The following BCR variants were observed in gnomAD, a reference collection of about 807,000 sequenced individuals.
The protein encoded by BCR is breakpoint cluster region protein.
Under a neutral mutation model 138.6 loss-of-function variants are expected in BCR, and 58 were observed. That is an observed-to-expected ratio of 0.42 (90% CI 0.34 to 0.52). The LOEUF (loss-of-function observed/expected upper bound fraction) is 0.52, where lower values mean the gene tolerates loss of function less well. Ranked by LOEUF, BCR falls within the 20% of genes least tolerant of loss-of-function variation. The probability of loss-of-function intolerance (pLI) is 0.06; values close to 1 mark genes in which losing one functional copy is unlikely to be tolerated. For synonymous variants in BCR, 786 were observed against 730.1 expected (o/e 1.08, Z -1.23); for missense variants, 1,599 against 1,727.2 (o/e 0.93, Z 1.32).
At chr22:23,241,758 C>T (rs571875922) in intron 1 of BCR, among the ~76,000 whole-genome samples, 14 of 152,296 alleles carry the variant, frequency 9.2e-5, no homozygotes, top group African/African-American at 3.4e-4. Flanking sequence ...GAGTGACCAT[C>T]GCAGAAGCCC....
chr22:23,220,950 T>C (rs755014090), intron 1 of BCR, among the ~76,000 whole-genome samples: 1 of 152,164 alleles, frequency 6.6e-6, no homozygotes, highest in Non-Finnish European at 1.5e-5. Context: ...CGTCGTTGCC[T>C]CTTGGTATCT....
chr22:23,315,831 C>G lies in BCR; in HGVS notation c.*309C>G, dbSNP rs1371295694. On this transcript the variant is annotated 3_prime_UTR_variant, in exon 23 of 23. Coordinates refer to ENST00000305877, the MANE Select transcript of BCR (RefSeq NM_004327.4). Reference sequence around the variant, plus strand: ...GGGTGAAGGGAGTGGTTTTTATGAACTTAACTTAGAGTCTAAAAGATTTCT... The same window carrying G: ...GGGTGAAGGGAGTGGTTTTTATGAAGTTAACTTAGAGTCTAAAAGATTTCT... 6.5e-6 allele frequency: 3 copies of G among 462,660 alleles called. No individual in the cohort carries two copies. Among genetic ancestry groups the G allele is most frequent in the African/African-American group, 2.0e-5 (1 of 50,856 alleles). The allele number at this position is 462,660 out of a possible 1,614,324, so 28.7% of individuals were successfully genotyped here.
intron 1 of BCR, among the ~76,000 whole-genome samples, chr22:23,241,983 C>T (rs2073098436): frequency 6.6e-6 from 1 of 152,198 alleles, no homozygotes; most frequent in African/African-American, 2.4e-5. Context: ...AGCTGTACCC[C>T]CTTTCCCAGA....
Position 23,317,357 on chromosome 22 carries a change from C to T in BCR, c.*1835C>T, listed in dbSNP as rs1025838136. 2 of 186,380 alleles carry T rather than the reference C, an allele frequency of 1.1e-5. No homozygotes were observed. Among genetic ancestry groups the T allele is most frequent in the Admixed American group, 6.9e-5 (1 of 14,458 alleles). The allele number at this position is 186,380 out of a possible 1,614,324, so 11.5% of individuals were successfully genotyped here. ...ACCGTCGTGGGTGGCGAGGACAGAA[C>T]AGGAGCCTCTGCTCTCTGTACCTAT... On this transcript the variant is annotated 3_prime_UTR_variant, in exon 23 of 23. Coordinates refer to ENST00000305877, the MANE Select transcript of BCR (RefSeq NM_004327.4).
At chr22:23,191,564 C>G (rs1013518031) in intron 1 of BCR, among the ~76,000 whole-genome samples, 1 of 152,174 alleles carries the variant, frequency 6.6e-6, no homozygotes, top group South Asian at 2.1e-4. Flanking sequence ...TATCTGGCTT[C>G]CTTTTTAGGG....
chr22:23,214,277 C>T (rs774380577), intron 1 of BCR, among the ~76,000 whole-genome samples: 3 of 151,852 alleles, frequency 2.0e-5, no homozygotes, highest in Non-Finnish European at 4.4e-5. Context: ...TGGAAAGGCC[C>T]GGAGTGTTCA....
chr22:23,263,812 C>T lies in BCR; in HGVS notation c.1752+2272C>T, dbSNP rs1416931972. ...ACGGCCAAGGTGTGGCCTTTGGCCTCAGGCCAGCTGGGGTAGTGTTTATAC... is the reference window on the plus strand; with the variant it reads ...ACGGCCAAGGTGTGGCCTTTGGCCTTAGGCCAGCTGGGGTAGTGTTTATAC... On this transcript the variant is annotated intron_variant, in intron 4 of 22. Transcript: ENST00000305877. 5.6e-6 allele frequency: 7 copies of T among 1,251,810 alleles called. No homozygotes were observed. In the Admixed American group the frequency reaches 1.2e-4, roughly 21 times the overall value. 77.5% of individuals were successfully genotyped at this position (1,251,810 alleles called of 1,614,324 possible).
rs150846484 is a variant in BCR, at chr22:23,294,651, G to A, written c.2881-373G>A. 3.3e-3 allele frequency among the ~76,000 whole-genome samples: 503 copies of A among 152,290 alleles called. 4 individuals carry two copies. The highest frequency in any genetic ancestry group is 0.011 in the African/African-American group (472 of 41,552). ...TGGTCTCAAGTGATCTGCCCACCTT[G>A]GCCTCCCAAAGTACTGGGATTACAG... is the stretch of plus-strand genomic sequence containing the variant. On this transcript the variant is annotated intron_variant, in intron 15 of 22. Transcript: ENST00000305877.
intron 1 of BCR, among the ~76,000 whole-genome samples, chr22:23,209,309 G>A (rs1274018224): frequency 1.3e-5 from 2 of 151,870 alleles, no homozygotes; most frequent in Non-Finnish European, 2.9e-5. Flanking sequence ...GCAGTGAGCC[G>A]AGATCACGCC....
intron 13 of BCR, 26 bp downstream of exon 13, chr22:23,289,647 G>T: frequency 6.3e-7 from 1 of 1,590,882 alleles, no homozygotes; most frequent in East Asian, 2.2e-5. Flanking sequence ...TCCGTGTACA[G>T]GGCACCTGCA....
In BCR at chr22:23,259,200, G is replaced by A. The variant is rs377527453; in HGVS notation, c.1462-1750G>A. Among the ~76,000 whole-genome samples the A allele has an allele frequency of 1.2e-4, 19 of 152,348 alleles. No individual in the cohort carries two copies. In the East Asian group the frequency reaches 3.1e-3, roughly 25 times the overall value. Reference sequence around the variant, plus strand: ...GTAACAAAGCATCACAGACTGGGGGGCTTAAAGAACAGGAGTTTATTTTCT... The same window carrying A: ...GTAACAAAGCATCACAGACTGGGGGACTTAAAGAACAGGAGTTTATTTTCT... On this transcript the variant is annotated intron_variant, in intron 2 of 22. Coordinates refer to ENST00000305877, the MANE Select transcript of BCR (RefSeq NM_004327.4).
intron 4 of BCR, 128 bp downstream of exon 4, chr22:23,261,668 G>A (rs2073358279): frequency 1.0e-6 from 1 of 965,920 alleles, no homozygotes; most frequent in Non-Finnish European, 1.5e-6. Flanking sequence ...CTAACCTCAA[G>A]TGATCCACCT....
At chr22:23,245,740 G>A (rs958673367) in intron 1 of BCR, among the ~76,000 whole-genome samples, 37 of 151,786 alleles carry the variant, frequency 2.4e-4, no homozygotes, top group African/African-American at 9.0e-4. Context: ...GATACTCTCA[G>A]CCCTCGGGAA....
intron 2 of BCR, among the ~76,000 whole-genome samples, chr22:23,258,996 G>A (rs538415037): frequency 6.6e-6 from 1 of 152,388 alleles, no homozygotes; most frequent in African/African-American, 2.4e-5. Context: ...TTGGGCACAG[G>A]CGGAACAAAG....
intron 8 of BCR, among the ~76,000 whole-genome samples, chr22:23,278,877 G>A (rs754153816): frequency 1.3e-5 from 2 of 152,220 alleles, no homozygotes; most frequent in Non-Finnish European, 2.9e-5. Context: ...CCAAACAGAA[G>A]CTGTAAGTGC....
chr22:23,279,528 G>A (rs1246070724), intron 8 of BCR, among the ~76,000 whole-genome samples: 1 of 152,234 alleles, frequency 6.6e-6, no homozygotes, highest in Non-Finnish European at 1.5e-5. Flanking sequence ...AGGGGTGTGC[G>A]CTTTGCTCTG....
chr22:23,292,367 G>A (rs1435116261), intron 14 of BCR, among the ~76,000 whole-genome samples, 174 bp from the exon 15 acceptor site: 1 of 152,194 alleles, frequency 6.6e-6, no homozygotes, highest in Non-Finnish European at 1.5e-5. Context: ...ATCGCATGAG[G>A]TGCTGGTGTT....
At chr22:23,267,827 A>G (rs983148646) in intron 4 of BCR, among the ~76,000 whole-genome samples, 1 of 152,228 alleles carries the variant, frequency 6.6e-6, no homozygotes, top group Non-Finnish European at 1.5e-5. Context: ...CTCTCGCCTT[A>G]CAGCCGGTCG....
At chr22:23,230,857 C>A (rs2072949683) in intron 1 of BCR, among the ~76,000 whole-genome samples, 1 of 152,188 alleles carries the variant, frequency 6.6e-6, no homozygotes, top group Non-Finnish European at 1.5e-5. Flanking sequence ...GCTGTCATTT[C>A]CTAGAGAACC....
Sources: allele counts gnomAD v4.1 joint callset (sites outside exome capture counted in the v4.1 genomes callset), GRCh38; gene constraint gnomAD v4.1.1; transcripts MANE v1.5; gene names NCBI Gene and HGNC (gene_info 2026-07-23, HGNC 2026-07-21).